The following NLGN1 variants were observed in gnomAD, a reference collection of about 807,000 sequenced individuals.
NLGN1 encodes the protein neuroligin-1.
A neutral mutation model predicts 65.5 loss-of-function variants in NLGN1; 12 were observed. The ratio of observed to expected loss-of-function variants is 0.18; its 90% CI spans 0.12 to 0.30. The LOEUF is 0.30. Among genes scored for constraint, NLGN1 ranks in the 10% least tolerant of loss-of-function variants. The pLI, the probability that NLGN1 is intolerant of heterozygous loss-of-function variation, is 1.00. For synonymous variants in NLGN1, 350 were observed against 359.5 expected (o/e 0.97, Z 0.30); for missense variants, 750 against 1,007.1 (o/e 0.74, Z 3.46).
chr3:174,240,892 C>T (rs1448650966), intron 4 of NLGN1, among the ~76,000 whole-genome samples: 3 of 152,168 alleles, frequency 2.0e-5, no homozygotes, highest in African/African-American at 7.2e-5. Context: ...AGGGGATATA[C>T]ATGGCTCTAC....
chr3:173,495,853 A>G (rs971066509), intron 2 of NLGN1, among the ~76,000 whole-genome samples: 4 of 151,690 alleles, frequency 2.6e-5, no homozygotes, highest in South Asian at 2.1e-4. Context: ...GTCTCTGTAC[A>G]TGAAGTTTGT....
In NLGN1 at chr3:174,279,462, C is replaced by T. The variant is rs1002935643; in HGVS notation, c.1461C>T (p.Ala487=). Reference sequence around the variant, plus strand: ...TTGGTTCACCTACGTACTTCTATGCCTTTTACCATCATTGCCAAACAGATC... The same window carrying T: ...TTGGTTCACCTACGTACTTCTATGCTTTTTACCATCATTGCCAAACAGATC... Residue 487 remains alanine (A), a synonymous_variant, in exon 6 of 7, where the codon GCC becomes GCT. Coordinates refer to ENST00000457714, the Ensembl canonical transcript of NLGN1. This position sits in a 1 kb window ranked among gnomAD's most constrained non-coding sequence, Gnocchi z 4.7. 1.2e-6 allele frequency: 2 copies of T among 1,613,234 alleles called. No homozygotes were observed. The highest frequency in any genetic ancestry group is 2.2e-5 in the East Asian group (1 of 44,824).
At chr3:174,148,134 C>A (rs926651716) in intron 4 of NLGN1, among the ~76,000 whole-genome samples, 2 of 152,164 alleles carry the variant, frequency 1.3e-5, no homozygotes, top group East Asian at 3.9e-4. Flanking sequence ...ATGAGCTGTT[C>A]TCCAATTTGA....
intron 4 of NLGN1, among the ~76,000 whole-genome samples, chr3:174,084,903 A>G (rs529681123): frequency 6.6e-6 from 1 of 152,142 alleles, no homozygotes; most frequent in South Asian, 2.1e-4. Context: ...ACGAAACTCA[A>G]TAGGAAGACT....
At chr3:173,812,393 A>G (rs1025877264) in intron 4 of NLGN1, among the ~76,000 whole-genome samples, 7 of 152,156 alleles carry the variant, frequency 4.6e-5, no homozygotes, top group Non-Finnish European at 1.0e-4. Flanking sequence ...TATCTATGCC[A>G]TAATAATGCT....
chr3:174,051,654 A>T (rs73880325), intron 4 of NLGN1, among the ~76,000 whole-genome samples: 1 of 152,062 alleles, frequency 6.6e-6, no homozygotes, highest in South Asian at 2.1e-4. Context: ...GAAATTAGAG[A>T]GTAATTATGG....
intron 1 of NLGN1, among the ~76,000 whole-genome samples, chr3:173,428,145 C>T (rs1465217344): frequency 6.6e-6 from 1 of 151,632 alleles, no homozygotes; most frequent in Non-Finnish European, 1.5e-5. Context: ...TTATGGTTTC[C>T]ATTTGTATGG....
At chr3:174,101,718 C>T (rs1224347401) in intron 4 of NLGN1, among the ~76,000 whole-genome samples, 1 of 152,084 alleles carries the variant, frequency 6.6e-6, no homozygotes, top group Non-Finnish European at 1.5e-5. Flanking sequence ...AGTGCCCACA[C>T]TATAGATTCA....
At chr3:174,053,423 T>C (rs1351523760) in intron 4 of NLGN1, among the ~76,000 whole-genome samples, 5 of 152,042 alleles carry the variant, frequency 3.3e-5, no homozygotes, top group African/African-American at 1.2e-4. Flanking sequence ...ATGTACCATT[T>C]GAAATGGACT....
intron 1 of NLGN1, among the ~76,000 whole-genome samples, chr3:173,434,622 C>G (rs777087029): frequency 1.8e-4 from 28 of 152,174 alleles, no homozygotes; most frequent in African/African-American, 6.5e-4. Context: ...TTGATGTTCA[C>G]CAGCTCTCTA....
chr3:173,467,371 T>C (rs1044480563), intron 2 of NLGN1, among the ~76,000 whole-genome samples: 5 of 152,150 alleles, frequency 3.3e-5, no homozygotes, highest in Non-Finnish European at 5.9e-5. Flanking sequence ...TATATCTCTT[T>C]CTACCTTAGG....
chr3:174,010,337 A>G (rs922353531), intron 4 of NLGN1, among the ~76,000 whole-genome samples: 8 of 152,148 alleles, frequency 5.3e-5, no homozygotes. Flanking sequence ...TTTCACTTGA[A>G]AATCACTTAA....
intron 3 of NLGN1, among the ~76,000 whole-genome samples, chr3:173,656,631 A>G (rs1032085206): frequency 3.9e-5 from 6 of 152,082 alleles, no homozygotes; most frequent in African/African-American, 1.4e-4. Context: ...ATTCTTAATG[A>G]AGTTGTTTTC....
At chr3:173,571,703 C>G (rs1559984632) in intron 2 of NLGN1, among the ~76,000 whole-genome samples, 1 of 152,188 alleles carries the variant, frequency 6.6e-6, no homozygotes, top group East Asian at 1.9e-4. Flanking sequence ...TATGAATCTT[C>G]TTTTCATAGT....
chr3:173,519,863 T>C (rs1204863154), intron 2 of NLGN1, among the ~76,000 whole-genome samples: 1 of 152,148 alleles, frequency 6.6e-6, no homozygotes, highest in Non-Finnish European at 1.5e-5. Flanking sequence ...GGACATGATA[T>C]TTGGAGGGGC....
chr3:173,589,618 T>C (rs1366992699), intron 2 of NLGN1, among the ~76,000 whole-genome samples: 1 of 152,198 alleles, frequency 6.6e-6, no homozygotes, highest in Non-Finnish European at 1.5e-5. Context: ...TTTGCTTGTA[T>C]TGAAATAGCA....
chr3:173,632,848 TG>T (rs66979593), intron 3 of NLGN1, among the ~76,000 whole-genome samples: 10,532 of 72,346 alleles, frequency 0.15, 334 homozygotes, highest in Middle Eastern at 0.21. Context: ...TTTTTTTTTT[TG>T]TTTTTTTTTT....
intron 4 of NLGN1, among the ~76,000 whole-genome samples, chr3:174,060,458 A>G (rs1737153073): frequency 6.6e-6 from 1 of 152,124 alleles, no homozygotes; most frequent in African/African-American, 2.4e-5. Context: ...ACCCTCCTTG[A>G]ACAGTAGGAC....
chr3:173,721,072 T>G (rs1770761378), intron 3 of NLGN1, among the ~76,000 whole-genome samples: 1 of 152,228 alleles, frequency 6.6e-6, no homozygotes, highest in African/African-American at 2.4e-5. Flanking sequence ...TTTTGAGTGC[T>G]CATATGCACA....
Sources: gnomAD v4.1 joint callset for allele counts (sites outside exome capture counted in the v4.1 genomes callset) on GRCh38, gnomAD v4.1.1 for gene constraint, Gnocchi (gnomAD v3.1) non-coding constraint, MANE v1.5 for transcripts, NCBI Gene and HGNC (gene_info 2026-07-23, HGNC 2026-07-21) for gene names.